AGAP1: variants seen among roughly 807,000 people sequenced by gnomAD.
AGAP1 encodes the protein arf-GAP with GTPase, ANK repeat and PH domain-containing protein 1.
A neutral mutation model predicts 105.3 loss-of-function variants in AGAP1; 29 were observed. The ratio of observed to expected loss-of-function variants is 0.28; its 90% CI spans 0.21 to 0.38. AGAP1 has a LOEUF of 0.38. AGAP1 is among the 10% of genes least tolerant of loss of function. AGAP1 has a pLI of 1.00. For missense variants in AGAP1, 998 were observed against 1,165.1 expected (o/e 0.86, Z 2.09); for synonymous variants, 509 against 485.9 (o/e 1.05, Z -0.63).
rs1217743887 is a variant in AGAP1, at chr2:235,965,700, T to G, written c.1484-2762T>G. Among the ~76,000 whole-genome samples, 1 of 152,194 alleles carries G rather than the reference T, an allele frequency of 6.6e-6. No homozygotes were observed. On this transcript the variant is annotated intron_variant, in intron 12 of 17. Coordinates refer to ENST00000304032, the MANE Select transcript of AGAP1 (RefSeq NM_001037131.3). The surrounding 1 kb of genome is among the most constrained non-coding windows in gnomAD (Gnocchi z 5.8). ...TGAAGGTAGAGCCTGGAATAGCCCC[T>G]GTTGGGTAGTAACTTTGGATGAGTG...
At chr2:235,805,410 G>A (rs1270114370) in intron 8 of AGAP1, among the ~76,000 whole-genome samples, 1 of 152,088 alleles carries the variant, frequency 6.6e-6, no homozygotes, top group Non-Finnish European at 1.5e-5. Context: ...CCTTGTTACA[G>A]GAAGATGTTA....
In AGAP1 at chr2:235,689,527, T is replaced by C. The variant is rs943822523; in HGVS notation, c.164-19652T>C. On this transcript the variant is annotated intron_variant, in intron 1 of 17. Coordinates refer to ENST00000304032, the MANE Select transcript of AGAP1 (RefSeq NM_001037131.3). This position sits in a 1 kb window ranked among gnomAD's most constrained non-coding sequence, Gnocchi z 4.2. ...TTTGTAAGCCAGAGAAAGATGGTACTGTGTGGTGGGGAATTCTGAAAGTCT... is the reference window on the plus strand; with the variant it reads ...TTTGTAAGCCAGAGAAAGATGGTACCGTGTGGTGGGGAATTCTGAAAGTCT... Among the ~76,000 whole-genome samples, 3 of 152,266 alleles carry C rather than the reference T, an allele frequency of 2.0e-5. No homozygotes were observed. The highest frequency in any genetic ancestry group is 4.4e-5 in the Non-Finnish European group (3 of 68,052).
intron 10 of AGAP1, among the ~76,000 whole-genome samples, chr2:235,886,392 A>T (rs1289279346): frequency 6.6e-6 from 1 of 152,278 alleles, no homozygotes; most frequent in African/African-American, 2.4e-5. Context: ...AGGGGCAGAT[A>T]TGGTAACAAC....
At position 236,126,522 on chromosome 2, in the gene AGAP1, T is replaced by C. The variant is rs2060007033; in HGVS notation, c.*2400T>C. On this transcript the variant is annotated 3_prime_UTR_variant, in exon 18 of 18. Coordinates refer to ENST00000304032, the MANE Select transcript of AGAP1 (RefSeq NM_001037131.3). The stretch of plus-strand genomic sequence containing the variant: ...GATGTATATGAGCGTGTACATATTA[T>C]TCTATGTGTTTATAATATAATATTT... The C allele has an allele frequency of 2.0e-5, 3 of 152,212 alleles. No individual in the cohort carries two copies. In the South Asian group the frequency reaches 6.2e-4, roughly 32 times the overall value. The allele number at this position is 152,212 out of a possible 1,614,324, so 9.4% of individuals were successfully genotyped here.
intron 9 of AGAP1, among the ~76,000 whole-genome samples, chr2:235,815,882 C>A (rs1958423681): frequency 6.6e-6 from 1 of 152,188 alleles, no homozygotes; most frequent in African/African-American, 2.4e-5. Flanking sequence ...GCTGTTGAGG[C>A]CTTTCAGTCC....
In AGAP1 at chr2:235,747,244, G is replaced by T. The variant is rs1051063037; in HGVS notation, c.538+2405G>T. ...AAGGGGCACATCGAGCCTCCTGCCA[G>T]GGTGGCTGCTTAGATTCTCGAGAAA... On this transcript the variant is annotated intron_variant, in intron 5 of 17. Coordinates refer to ENST00000304032, the MANE Select transcript of AGAP1 (RefSeq NM_001037131.3). The surrounding 1 kb of genome is among the most constrained non-coding windows in gnomAD (Gnocchi z 5.0). 5.9e-5 allele frequency among the ~76,000 whole-genome samples: 9 copies of T among 152,228 alleles called. 1 individual carries two copies. Among genetic ancestry groups the T allele is most frequent in the Admixed American group, 1.3e-4 (2 of 15,280 alleles).
At position 235,930,988 on chromosome 2, in the gene AGAP1, C is replaced by T; in HGVS notation, c.1483+65C>T. On this transcript the variant is annotated intron_variant, in intron 12 of 17. Coordinates refer to ENST00000304032, the MANE Select transcript of AGAP1 (RefSeq NM_001037131.3). The surrounding 1 kb of genome is among the most constrained non-coding windows in gnomAD (Gnocchi z 7.9). ...AAGGTCCTTCGTTGTAAGCCAGGGG[C>T]TGGACAGGACGCCCTAAGCTCTCAT... 1 of 1,555,974 alleles carries T rather than the reference C, an allele frequency of 6.4e-7. No homozygotes were observed.
chr2:236,087,953 G>T lies in AGAP1; in HGVS notation c.2115-32239G>T, dbSNP rs958976906. On this transcript the variant is annotated intron_variant, in intron 16 of 17. Coordinates refer to ENST00000304032, the MANE Select transcript of AGAP1 (RefSeq NM_001037131.3). This position sits in a 1 kb window ranked among gnomAD's most constrained non-coding sequence, Gnocchi z 5.7. ...TCTGGCACAGCCAGGGGAGGGACAG[G>T]GAGGACGAGAGACCTGCTTGGTATC... Among the ~76,000 whole-genome samples the T allele has an allele frequency of 2.6e-5, 4 of 152,156 alleles. No homozygotes were observed. The highest frequency in any genetic ancestry group is 9.7e-5 in the African/African-American group (4 of 41,442).
intron 10 of AGAP1, among the ~76,000 whole-genome samples, chr2:235,884,350 A>C (rs2050168459): frequency 6.6e-6 from 1 of 152,074 alleles, no homozygotes; most frequent in African/African-American, 2.4e-5. Context: ...TCTCTAGATT[A>C]CTTATAATAT....
intron 1 of AGAP1, among the ~76,000 whole-genome samples, chr2:235,652,270 G>C (rs78512870): frequency 7.7e-4 from 117 of 152,234 alleles, no homozygotes; most frequent in East Asian, 5.2e-3. Context: ...GGCCCTGCTT[G>C]TCAGGAGATG....
chr2:235,655,069 CTCT>C lies in AGAP1; in HGVS notation c.164-54108_164-54106del, dbSNP rs1447660236. ...ATTAATTACTATATCCAGAATGATC[CTCT>C]TTTTTTTTTTTTTGAGTTGTGTGTT... On this transcript the variant is annotated intron_variant, in intron 1 of 17. Transcript: ENST00000304032. The surrounding 1 kb of genome is among the most constrained non-coding windows in gnomAD (Gnocchi z 4.3). 2.1e-5 allele frequency among the ~76,000 whole-genome samples: 3 copies of C among 146,012 alleles called. No individual in the cohort carries two copies. Among genetic ancestry groups the C allele is most frequent in the African/African-American group, 7.5e-5 (3 of 40,202 alleles).
intron 16 of AGAP1, among the ~76,000 whole-genome samples, chr2:236,081,202 A>G (rs2058771236): frequency 6.6e-6 from 1 of 152,028 alleles, no homozygotes; most frequent in Non-Finnish European, 1.5e-5. Flanking sequence ...ACCACATCGA[A>G]TCGGGAAGGG....
intron 1 of AGAP1, among the ~76,000 whole-genome samples, chr2:235,589,194 G>GTTTTTT (rs928149334): frequency 0.02 from 1,215 of 59,404 alleles, 53 homozygotes; most frequent in East Asian, 0.034. Context: ...TTATTGTTTT[G>GTTTTTT]TTTTTTTTTT....
At chr2:235,832,230 TA>T (rs1559540171) in intron 9 of AGAP1, among the ~76,000 whole-genome samples, 1 of 152,218 alleles carries the variant, frequency 6.6e-6, no homozygotes, top group African/African-American at 2.4e-5. Context: ...ATGTGTTTTT[TA>T]TAGATATTTT....
At chr2:235,544,445 C>T (rs1943558222) in intron 1 of AGAP1, among the ~76,000 whole-genome samples, 2 of 152,236 alleles carry the variant, frequency 1.3e-5, no homozygotes, top group South Asian at 2.1e-4. Flanking sequence ...GGGGCCTCAG[C>T]GGTCCCCTTA....
At position 235,787,630 on chromosome 2, in the gene AGAP1, T is replaced by G. The variant is rs1956731082; in HGVS notation, c.674-10129T>G. 6.6e-6 allele frequency among the ~76,000 whole-genome samples: 1 copy of G among 152,174 alleles called. No individual in the cohort carries two copies. Among genetic ancestry groups the G allele is most frequent in the African/African-American group, 2.4e-5 (1 of 41,454 alleles). ...TAGCAAATTGCCTGGCATATACTAG[T>G]TGCTCAATAAAAACAGTCAGTAAAT... On this transcript the variant is annotated intron_variant, in intron 6 of 17. Transcript: ENST00000304032. The surrounding 1 kb of genome is among the most constrained non-coding windows in gnomAD (Gnocchi z 4.4).
rs534183320 is a variant in AGAP1 at position 235,951,553 on chromosome 2, A to G, written c.1484-16909A>G. Among the ~76,000 whole-genome samples, 1 of 152,318 alleles carries G rather than the reference A, an allele frequency of 6.6e-6. No homozygotes were observed. Among genetic ancestry groups the G allele is most frequent in the Non-Finnish European group, 1.5e-5 (1 of 68,030 alleles). On this transcript the variant is annotated intron_variant, in intron 12 of 17. Coordinates refer to ENST00000304032, the MANE Select transcript of AGAP1 (RefSeq NM_001037131.3). This position sits in a 1 kb window ranked among gnomAD's most constrained non-coding sequence, Gnocchi z 4.2. ...TGGTTTAAGATTGCCATGACCACAT[A>G]TTAATAGTTGCACTGAGAAACAGGC...
intron 1 of AGAP1, among the ~76,000 whole-genome samples, chr2:235,680,639 A>C (rs374280107): frequency 1.3e-5 from 2 of 151,942 alleles, no homozygotes; most frequent in Non-Finnish European, 2.9e-5. Context: ...TGGTGCTGAC[A>C]GGGTGAATGT....
chr2:235,936,717 A>C lies in AGAP1; in HGVS notation c.1483+5794A>C, dbSNP rs774494497. On this transcript the variant is annotated intron_variant, in intron 12 of 17. Transcript: ENST00000304032. This position sits in a 1 kb window ranked among gnomAD's most constrained non-coding sequence, Gnocchi z 4.7. The stretch of plus-strand genomic sequence containing the variant: ...GGTCTCTGACCTGGAAGCTTCTTTG[A>C]TGGGAGGGTATCAGTGAAGCGTGGT... Among the ~76,000 whole-genome samples the C allele has an allele frequency of 3.3e-5, 5 of 152,054 alleles. No homozygotes were observed. The highest frequency in any genetic ancestry group is 7.4e-5 in the Non-Finnish European group (5 of 68,010).
Sources: allele counts gnomAD v4.1 joint callset (sites outside exome capture counted in the v4.1 genomes callset), GRCh38; gene constraint gnomAD v4.1.1; non-coding constraint Gnocchi (gnomAD v3.1); transcripts MANE v1.5; gene names NCBI Gene and HGNC (gene_info 2026-07-23, HGNC 2026-07-21).